Variants in CREB3L1 observed in about 807,000 individuals in gnomAD.
CREB3L1 encodes the protein cAMP responsive element binding protein 3 like 1.
CREB3L1 carries 33 observed loss-of-function variants against 54.5 expected under a neutral mutation model. The observed-to-expected ratio is 0.61, with a 90% CI of 0.46 to 0.81. The LOEUF is 0.81. CREB3L1 is among the 30% of genes least tolerant of loss of function. CREB3L1 has a pLI of 0.00. For synonymous variants in CREB3L1, 284 were observed against 286.4 expected, an observed-to-expected ratio of 0.99 and a Z score of 0.08; for missense variants, 656 against 673.3, an observed-to-expected ratio of 0.97 and a Z score of 0.29.
intron 10 of CREB3L1, among the ~76,000 whole-genome samples, chr11:46,319,393 C>T (rs917481320): frequency 6.6e-5 from 10 of 152,212 alleles, no homozygotes; most frequent in African/African-American, 1.2e-4. Flanking sequence ...GCTGCCTCCT[C>T]TGGGAAGCGG....
intron 2 of CREB3L1, among the ~76,000 whole-genome samples, chr11:46,301,164 C>T (rs1238672055): frequency 2.0e-5 from 3 of 148,342 alleles, no homozygotes; most frequent in Admixed American, 6.8e-5. Context: ...AGCGAAACTC[C>T]GTCTCAAAAA....
intron 3 of CREB3L1, 147 bp from the exon 4 acceptor site, chr11:46,309,842 C>T (rs1189814367): frequency 3.2e-6 from 2 of 628,514 alleles, no homozygotes; most frequent in Non-Finnish European, 5.6e-6. Context: ...TGCCTCTGTT[C>T]CCTTGCAGCT....
intron 10 of CREB3L1, among the ~76,000 whole-genome samples, chr11:46,318,094 G>A (rs1939593971): frequency 6.6e-6 from 1 of 152,212 alleles, no homozygotes; most frequent in Non-Finnish European, 1.5e-5. Flanking sequence ...GCATGTGCCT[G>A]TAGTCCCGGC....
chr11:46,278,022 C>G lies in CREB3L1; in HGVS notation c.-90C>G. On this transcript the variant is annotated 5_prime_UTR_variant, in exon 1 of 12. Transcript: ENST00000621158. The surrounding 1 kb of genome is among the most constrained non-coding windows in gnomAD (Gnocchi z 4.2). ...CCCGGACCTGCCCCCCGCCCGTTTG[C>G]CAGCGCTCAGGCAGGAGCTCTGGAC... The G allele has an allele frequency of 2.2e-6, 1 of 444,940 alleles. No individual in the cohort carries two copies. Among genetic ancestry groups the G allele is most frequent in the Non-Finnish European group, 3.5e-6 (1 of 288,142 alleles). The allele number at this position is 444,940 out of a possible 1,614,324, so 27.6% of individuals were successfully genotyped here.
At chr11:46,300,331 C>T (rs1487189041) in intron 2 of CREB3L1, among the ~76,000 whole-genome samples, 168 bp downstream of exon 2, 2 of 152,250 alleles carry the variant, frequency 1.3e-5, no homozygotes, top group African/African-American at 4.8e-5. Context: ...TGTTCTCCCT[C>T]AGCTCAAAGC....
Position 46,307,689 on chromosome 11 carries a change from CT to C in CREB3L1, c.332-124del, listed in dbSNP as rs1298246760. The C allele has an allele frequency of 1.2e-5, 9 of 720,966 alleles. No individual in the cohort carries two copies. In the African/African-American group the frequency reaches 1.5e-4, roughly 12 times the overall value. 44.7% of individuals were successfully genotyped at this position (720,966 alleles called of 1,614,324 possible). A position where few individuals can be genotyped will look rare whatever the true frequency, so the allele number is the denominator to read the frequency against. ...CTCCTCCTCACCTCACAACCACCCT[CT>C]TTCCTGCCTGCCCCCTGGTCTACCC... On this transcript the variant is annotated intron_variant, in intron 2 of 11. Coordinates refer to ENST00000621158, the MANE Select transcript of CREB3L1 (RefSeq NM_052854.4).
chr11:46,297,325 C>T (rs748053155), intron 1 of CREB3L1, among the ~76,000 whole-genome samples: 1 of 152,252 alleles, frequency 6.6e-6, no homozygotes, highest in Non-Finnish European at 1.5e-5. Flanking sequence ...TACTGCCTCA[C>T]TCCAGGTATT....
At chr11:46,305,747 T>TAA (rs1335069272) in intron 2 of CREB3L1, among the ~76,000 whole-genome samples, 5 of 122,208 alleles carry the variant, frequency 4.1e-5, no homozygotes, top group African/African-American at 2.3e-4. Flanking sequence ...TATATATATA[T>TAA]TTTTTTTTAA....
At chr11:46,302,350 CT>C (rs1566186458) in intron 2 of CREB3L1, among the ~76,000 whole-genome samples, 3 of 152,058 alleles carry the variant, frequency 2.0e-5, no homozygotes, top group African/African-American at 4.8e-5. Flanking sequence ...TCCTCTCCCC[CT>C]AACTCCATCC....
chr11:46,306,381 G>A (rs1008525680), intron 2 of CREB3L1, among the ~76,000 whole-genome samples: 9 of 152,074 alleles, frequency 5.9e-5, no homozygotes, highest in Admixed American at 5.9e-4. Context: ...GCATGCGCCT[G>A]TAGTCCCAGC....
chr11:46,318,417 T>G (rs1463071254), intron 10 of CREB3L1, among the ~76,000 whole-genome samples: 1 of 152,218 alleles, frequency 6.6e-6, no homozygotes, highest in Non-Finnish European at 1.5e-5. Context: ...CACTGCCACC[T>G]GCTGTGTGAC....
chr11:46,293,978 T>A (rs1260515607), intron 1 of CREB3L1, among the ~76,000 whole-genome samples: 4 of 152,158 alleles, frequency 2.6e-5, no homozygotes, highest in African/African-American at 9.7e-5. Context: ...TGTGAGGGTA[T>A]CTGTATGTGT....
At chr11:46,306,282 G>A (rs191960440) in intron 2 of CREB3L1, among the ~76,000 whole-genome samples, 2 of 152,170 alleles carry the variant, frequency 1.3e-5, no homozygotes, top group Non-Finnish European at 2.9e-5. Flanking sequence ...TCAGGAGGCC[G>A]AGGTGGGTGG....
rs879070508 is a variant in CREB3L1 at position 46,321,392 on chromosome 11, CA to C, written c.*663del. Reference sequence around the variant, plus strand: ...AGCACATGCTTTAAGAAAGCAAAACCAAAAAAAAAAAAAAAAAGATGCAGCA... The same window carrying C: ...AGCACATGCTTTAAGAAAGCAAAACCAAAAAAAAAAAAAAAAGATGCAGCA... On this transcript the variant is annotated 3_prime_UTR_variant, in exon 12 of 12. Coordinates refer to ENST00000621158, the MANE Select transcript of CREB3L1 (RefSeq NM_052854.4). The C allele has an allele frequency of 0.06, 8,280 of 136,992 alleles. 17 individuals are homozygous for C. The highest frequency in any genetic ancestry group is 0.16 in the East Asian group (1,384 of 8,550). The allele number at this position is 136,992 out of a possible 1,614,324, so 8.5% of individuals were successfully genotyped here.
chr11:46,281,582 G>C (rs1938973703), intron 1 of CREB3L1, among the ~76,000 whole-genome samples: 1 of 152,248 alleles, frequency 6.6e-6, no homozygotes, highest in South Asian at 2.1e-4. Context: ...GGGAGGCCAG[G>C]TGTGGGAGTG....
intron 1 of CREB3L1, among the ~76,000 whole-genome samples, chr11:46,290,760 AGAGCTT>A (rs1939118324): frequency 6.7e-6 from 1 of 149,846 alleles, no homozygotes; most frequent in African/African-American, 2.4e-5. Flanking sequence ...GGGCGGAGGC[AGAGCTT>A]GAGCAAGCAA....
rs1210087218 is a variant in CREB3L1 at position 46,300,174 on chromosome 11, G to A, written c.331+11G>A. 5 of 1,599,950 alleles carry A rather than the reference G, an allele frequency of 3.1e-6. No homozygotes were observed. Among genetic ancestry groups the A allele is most frequent in the Admixed American group, 3.4e-5 (2 of 58,192 alleles). On this transcript the variant is annotated intron_variant, in intron 2 of 11. Transcript: ENST00000621158. ...AGGACACCACCCAAGGTAAGAGGTGGAAGAACCTGGGGACAGCACAGGCCC... is the reference window on the plus strand; with the variant it reads ...AGGACACCACCCAAGGTAAGAGGTGAAAGAACCTGGGGACAGCACAGGCCC...
At chr11:46,286,690 CAGG>C (rs1939058994) in intron 1 of CREB3L1, among the ~76,000 whole-genome samples, 7 of 152,094 alleles carry the variant, frequency 4.6e-5, no homozygotes. Context: ...GAGGCTGAGG[CAGG>C]AGAACTGCTT....
chr11:46,307,785 A>G, intron 2 of CREB3L1, 31 bp from the exon 3 acceptor site: 4 of 1,508,332 alleles, frequency 2.7e-6, no homozygotes, highest in Non-Finnish European at 3.6e-6. Flanking sequence ...CCTCTGCCCT[A>G]GAGTCCCCTG....
Sources: allele counts gnomAD v4.1 joint callset (sites outside exome capture counted in the v4.1 genomes callset), GRCh38; gene constraint gnomAD v4.1.1; non-coding constraint Gnocchi (gnomAD v3.1); transcripts MANE v1.5; gene names NCBI Gene and HGNC (gene_info 2026-07-23, HGNC 2026-07-21).